Variants in SAMTOR observed in about 807,000 individuals in gnomAD.
SAMTOR encodes UPF0532 protein C7orf60.
chr7:112,827,272 T>C, the SAMTOR span, among the ~76,000 whole-genome samples: 2 of 152,228 alleles, frequency 1.3e-5, no homozygotes, highest in Non-Finnish European at 2.9e-5. Context: ...GCCATTTCTA[T>C]TTAATGTGTT....
At chr7:112,923,033 A>G in the SAMTOR span, among the ~76,000 whole-genome samples, 1 of 152,212 alleles carries the variant, frequency 6.6e-6, no homozygotes, top group Non-Finnish European at 1.5e-5. Flanking sequence ...TGTGGAATAG[A>G]AAAGGGGGAA....
chr7:112,898,895 T>C, the SAMTOR span, among the ~76,000 whole-genome samples: 1 of 152,334 alleles, frequency 6.6e-6, no homozygotes, highest in Non-Finnish European at 1.5e-5. Flanking sequence ...AGTGCTGAAA[T>C]GGTTACAGTG....
the SAMTOR span, among the ~76,000 whole-genome samples, chr7:112,908,722 C>T: frequency 0.023 from 3,532 of 152,066 alleles, 142 homozygotes; most frequent in African/African-American, 0.08. Flanking sequence ...TTTGCAAAAA[C>T]AAACACTGGT....
the SAMTOR span, among the ~76,000 whole-genome samples, chr7:112,885,157 T>C: frequency 1.3e-5 from 1 of 78,760 alleles, no homozygotes; most frequent in East Asian, 2.0e-4. Context: ...GTCTCAAGGC[T>C]GCACAGGGCA....
the SAMTOR span, among the ~76,000 whole-genome samples, chr7:112,853,181 A>C: frequency 1.3e-5 from 2 of 152,086 alleles, no homozygotes; most frequent in African/African-American, 4.8e-5. Flanking sequence ...ATTTATGCAG[A>C]TAATCTTAAA....
chr7:112,822,386 A>G, the SAMTOR span: 1 of 1,562,978 alleles, frequency 6.4e-7, no homozygotes, highest in African/African-American at 1.4e-5. Flanking sequence ...GCAGAAACAG[A>G]AAACAAGGCA....
the SAMTOR span, among the ~76,000 whole-genome samples, chr7:112,840,104 C>T: frequency 6.6e-6 from 1 of 151,776 alleles, no homozygotes; most frequent in African/African-American, 2.4e-5. Context: ...TTAACAACAC[C>T]CAGAGATTCT....
the SAMTOR span, among the ~76,000 whole-genome samples, chr7:112,849,821 T>C: frequency 6.6e-6 from 1 of 152,248 alleles, no homozygotes; most frequent in Non-Finnish European, 1.5e-5. Context: ...CTGGATTTTA[T>C]AAAATGCTTT....
the SAMTOR span, among the ~76,000 whole-genome samples, chr7:112,901,371 C>T: frequency 3.9e-3 from 590 of 152,282 alleles, 3 homozygotes; most frequent in African/African-American, 0.01. Context: ...CTAGGCTGCA[C>T]GCTCCTTATG....
the SAMTOR span, among the ~76,000 whole-genome samples, chr7:112,899,789 G>GAAAAAAAAAAAAAAAAA: frequency 2.6e-5 from 3 of 113,372 alleles, no homozygotes; most frequent in African/African-American, 7.5e-5. Flanking sequence ...TGTGCTGAAG[G>GAAAAAAAAAAAAAAAAA]AAAAAAAAAA....
chr7:112,939,839 A>T, the SAMTOR span: 5 of 1,052,194 alleles, frequency 4.8e-6, no homozygotes, highest in Non-Finnish European at 6.8e-6. Flanking sequence ...GGAGCTGCGG[A>T]GGCAGCAGCC....
the SAMTOR span, among the ~76,000 whole-genome samples, chr7:112,853,198 T>C: frequency 6.6e-6 from 1 of 151,862 alleles, no homozygotes; most frequent in African/African-American, 2.4e-5. Flanking sequence ...TAAAACTGCA[T>C]TATTTAAAAA....
the SAMTOR span, among the ~76,000 whole-genome samples, chr7:112,914,180 A>G: frequency 6.6e-6 from 1 of 152,182 alleles, no homozygotes; most frequent in East Asian, 1.9e-4. Context: ...ATAAAAATGG[A>G]AAGAAAATGT....
At chr7:112,923,816 G>C in the SAMTOR span, among the ~76,000 whole-genome samples, 2 of 152,038 alleles carry the variant, frequency 1.3e-5, no homozygotes, top group Admixed American at 6.6e-5. Context: ...ATGACAGACT[G>C]GATTAAGAAA....
chr7:112,917,021 G>A, the SAMTOR span, among the ~76,000 whole-genome samples: 1 of 152,202 alleles, frequency 6.6e-6, no homozygotes, highest in Non-Finnish European at 1.5e-5. Context: ...TGGGGGCAGG[G>A]CACAGACAAA....
chr7:112,822,699 A>G, the SAMTOR span, among the ~76,000 whole-genome samples: 6 of 152,144 alleles, frequency 3.9e-5, no homozygotes, highest in East Asian at 9.6e-4. Context: ...TGACATTTCT[A>G]TTTACATTCA....
chr7:112,819,608 C>CA, the SAMTOR span: 9 of 152,570 alleles, frequency 5.9e-5, no homozygotes, highest in African/African-American at 1.9e-4. Context: ...GATATAAATT[C>CA]AAACAAATTT....
chr7:112,905,472 A>G, the SAMTOR span, among the ~76,000 whole-genome samples: 1 of 152,184 alleles, frequency 6.6e-6, no homozygotes, highest in African/African-American at 2.4e-5. Context: ...CAAAATTACA[A>G]TAATACTTAT....
chr7:112,908,516 C>T, the SAMTOR span, among the ~76,000 whole-genome samples: 1,327 of 152,258 alleles, frequency 8.7e-3, 23 homozygotes, highest in African/African-American at 0.03. Flanking sequence ...TCTTACTATA[C>T]ACACAAACAG....
Sources: allele counts gnomAD v4.1 joint callset (sites outside exome capture counted in the v4.1 genomes callset), GRCh38; gene constraint gnomAD v4.1.1; transcripts MANE v1.5; gene names NCBI Gene and HGNC (gene_info 2026-07-23, HGNC 2026-07-21).